The following TRERF1 variants were observed in gnomAD, a reference collection of about 807,000 sequenced individuals.
TRERF1 encodes the protein transcriptional regulating factor 1.
Under a neutral mutation model 122.9 loss-of-function variants are expected in TRERF1, and 27 were observed. That is an observed-to-expected ratio of 0.22 (90% confidence interval 0.16 to 0.30). The LOEUF is 0.30. TRERF1 is among the 10% of genes least tolerant of loss of function. TRERF1 has a pLI of 1.00. For synonymous variants in TRERF1, 636 were observed against 641.7 expected, an observed-to-expected ratio of 0.99 and a Z score of 0.13; for missense variants, 1,248 against 1,560.3, an observed-to-expected ratio of 0.80 and a Z score of 3.37.
At chr6:42,350,773 C>T (rs1490861892) in intron 3 of TRERF1, among the ~76,000 whole-genome samples, 2 of 152,122 alleles carry the variant, frequency 1.3e-5, no homozygotes, top group South Asian at 2.1e-4. Context: ...TACCACACAT[C>T]GGGGCTCCAA....
At position 42,313,122 on chromosome 6, in the gene TRERF1, A is replaced by G. The variant is rs1242404126; in HGVS notation, c.-370-12373T>C. ...GGGAACCAGCAGAAGTTTTGCCTTC[A>G]ATAAGGCTTTCCTTCCAGCCCACAC... On this transcript the variant is annotated intron_variant, in intron 3 of 17. Transcript: ENST00000372922. Among the ~76,000 whole-genome samples, 37 of 152,168 alleles carry G rather than the reference A, an allele frequency of 2.4e-4. 1 individual carries two copies. Among genetic ancestry groups the G allele is most frequent in the Admixed American group, 2.4e-3 (37 of 15,282 alleles).
At chr6:42,415,933 A>C (rs978839848) in intron 2 of TRERF1, among the ~76,000 whole-genome samples, 1 of 152,158 alleles carries the variant, frequency 6.6e-6, no homozygotes, top group East Asian at 1.9e-4. Context: ...TGACACTTTT[A>C]TAACACTGAC....
At chr6:42,302,203 G>C (rs1259723230) in intron 3 of TRERF1, among the ~76,000 whole-genome samples, 4 of 152,056 alleles carry the variant, frequency 2.6e-5, no homozygotes, top group African/African-American at 9.7e-5. Context: ...ATGCCAAAAG[G>C]GCTGCTGGTA....
At chr6:42,390,267 T>C (rs1777501880) in intron 2 of TRERF1, among the ~76,000 whole-genome samples, 1 of 152,220 alleles carries the variant, frequency 6.6e-6, no homozygotes, top group African/African-American at 2.4e-5. Context: ...CAACAGCCTC[T>C]GACATGAATT....
At chr6:42,246,930 A>G (rs141876724) in intron 13 of TRERF1, among the ~76,000 whole-genome samples, 4 of 152,372 alleles carry the variant, frequency 2.6e-5, no homozygotes, top group Non-Finnish European at 5.9e-5. Flanking sequence ...TAATTATCAT[A>G]TTCACAAGTG....
At chr6:42,354,587 G>T (rs1012914942) in intron 3 of TRERF1, among the ~76,000 whole-genome samples, 4 of 151,878 alleles carry the variant, frequency 2.6e-5, no homozygotes, top group Admixed American at 2.0e-4. Flanking sequence ...TTGTTAATGA[G>T]GCATCAGAAT....
intron 3 of TRERF1, among the ~76,000 whole-genome samples, chr6:42,357,154 C>T (rs1390865330): frequency 6.6e-6 from 1 of 151,458 alleles, no homozygotes. Flanking sequence ...CATGGTGAAA[C>T]CCTGTTTCCA....
chr6:42,304,605 C>G (rs143925359), intron 3 of TRERF1, among the ~76,000 whole-genome samples: 69 of 152,316 alleles, frequency 4.5e-4, no homozygotes, highest in African/African-American at 1.6e-3. Context: ...GTTCTGATGA[C>G]TTGCTATTTC....
At chr6:42,304,632 A>G (rs1786833015) in intron 3 of TRERF1, among the ~76,000 whole-genome samples, 1 of 152,192 alleles carries the variant, frequency 6.6e-6, no homozygotes, top group African/African-American at 2.4e-5. Context: ...TGTGCCTTCA[A>G]AGGTCCCCAA....
rs1252678286 is a variant in TRERF1 at position 42,393,795 on chromosome 6, T to C, written c.-453-30716A>G. On this transcript the variant is annotated intron_variant, in intron 2 of 17. Transcript: ENST00000372922. This position sits in a 1 kb window ranked among gnomAD's most constrained non-coding sequence, Gnocchi z 4.1. ...AGAAAGTCAGGTTTTAAAAGAGCAG[T>C]GTACAACTAGGAAATCCTCACAATA... 2.0e-5 allele frequency among the ~76,000 whole-genome samples: 3 copies of C among 152,180 alleles called. No homozygotes were observed.
chr6:42,311,512 C>G (rs1442713865), intron 3 of TRERF1, among the ~76,000 whole-genome samples: 1 of 151,826 alleles, frequency 6.6e-6, no homozygotes, highest in East Asian at 1.9e-4. Flanking sequence ...CTCCTGTAAT[C>G]CCAGCACTTT....
At chr6:42,363,034 T>C (rs1772066212) in exon 3 of TRERF1, 1 of 153,578 alleles carries the variant, frequency 6.5e-6, no homozygotes, top group African/African-American at 2.4e-5. Flanking sequence ...TTCAGGGTCG[T>C]CCTGCTTCTG....
chr6:42,377,836 T>C lies in TRERF1; in HGVS notation c.-453-14757A>G, dbSNP rs568809282. On this transcript the variant is annotated intron_variant, in intron 2 of 17. Transcript: ENST00000372922. ...AATTGTGTTATATACATCTCCATGG[T>C]TGGTCCTGGTAACCTAAGATGGAAG... Among the ~76,000 whole-genome samples, 4 of 152,334 alleles carry C rather than the reference T, an allele frequency of 2.6e-5. No homozygotes were observed. In the East Asian group the frequency reaches 7.7e-4, roughly 29 times the overall value.
At chr6:42,288,417 C>T (rs1161346836) in intron 4 of TRERF1, among the ~76,000 whole-genome samples, 1 of 151,452 alleles carries the variant, frequency 6.6e-6, no homozygotes, top group Non-Finnish European at 1.5e-5. Context: ...AAAAATACAT[C>T]ATTAGCCGGG....
chr6:42,410,932 C>T (rs1289221697), intron 2 of TRERF1, among the ~76,000 whole-genome samples: 1 of 152,236 alleles, frequency 6.6e-6, no homozygotes, highest in African/African-American at 2.4e-5. Flanking sequence ...GTTCCAAGCA[C>T]ATACAGAGAA....
chr6:42,356,615 C>T (rs1562052437), intron 3 of TRERF1, among the ~76,000 whole-genome samples: 1 of 152,202 alleles, frequency 6.6e-6, no homozygotes, highest in Non-Finnish European at 1.5e-5. Flanking sequence ...GCTCTTGTTG[C>T]CCAGGCTGGA....
chr6:42,417,549 C>T (rs892942121), intron 2 of TRERF1, among the ~76,000 whole-genome samples: 6 of 152,192 alleles, frequency 3.9e-5, no homozygotes, highest in Admixed American at 3.9e-4. Flanking sequence ...CTAAACAGTG[C>T]AGCAGAGAGT....
chr6:42,361,971 T>C (rs1197525775), intron 3 of TRERF1, among the ~76,000 whole-genome samples: 1 of 152,168 alleles, frequency 6.6e-6, no homozygotes, highest in African/African-American at 2.4e-5. Context: ...GTTGATTGCA[T>C]TCCTCTACCA....
intron 16 of TRERF1, among the ~76,000 whole-genome samples, chr6:42,235,084 GT>G (rs10644115): frequency 1.9e-4 from 28 of 148,366 alleles, no homozygotes; most frequent in East Asian, 1.6e-3. Flanking sequence ...TATCTTTTTT[GT>G]TTTTTTTTTA....
Sources: allele counts gnomAD v4.1 joint callset (sites outside exome capture counted in the v4.1 genomes callset), GRCh38; gene constraint gnomAD v4.1.1; non-coding constraint Gnocchi (gnomAD v3.1); transcripts MANE v1.5; gene names NCBI Gene and HGNC (gene_info 2026-07-23, HGNC 2026-07-21).